The following CADPS variants were observed in gnomAD, a reference collection of about 807,000 sequenced individuals.
CADPS encodes calcium dependent secretion activator, also known as calcium-dependent secretion activator 1.
A neutral mutation model predicts 167.3 loss-of-function variants in CADPS; 57 were observed. The observed-to-expected ratio is 0.34, with a 90% CI of 0.28 to 0.42. The LOEUF is 0.42. CADPS is among the 20% of genes least tolerant of loss of function. CADPS has a pLI of 1.00. For synonymous variants in CADPS, 676 were observed against 635.3 expected (o/e 1.06, Z -0.96); for missense variants, 1,414 against 1,738.1 (o/e 0.81, Z 3.32).
At chr3:62,737,266 T>C (rs769896577) in intron 3 of CADPS, among the ~76,000 whole-genome samples, 12 of 151,870 alleles carry the variant, frequency 7.9e-5, no homozygotes, top group Non-Finnish European at 1.6e-4. Flanking sequence ...CTGGGTAACA[T>C]AGTGCCATCC....
intron 8 of CADPS, among the ~76,000 whole-genome samples, chr3:62,571,650 C>T (rs1578031176): frequency 1.3e-5 from 2 of 151,894 alleles, no homozygotes; most frequent in East Asian, 3.9e-4. Context: ...CCGCAACCTC[C>T]TCCTCCTGGG....
rs1335105830 is a variant in CADPS at position 62,874,881 on chromosome 3, C to T, written c.149G>A (p.Gly50Asp). 1.3e-5 allele frequency: 16 copies of T among 1,196,810 alleles called. No homozygotes were observed. Among genetic ancestry groups the T allele is most frequent in the Middle Eastern group, 3.1e-4 (1 of 3,186 alleles). 74.1% of individuals were successfully genotyped at this position (1,196,810 alleles called of 1,614,324 possible). A position where few individuals can be genotyped will look rare whatever the true frequency, so the allele number is the denominator to read the frequency against. The change falls in exon 1 of 30, where the codon GGC (glycine) becomes GAC (aspartate). Residue 50 changes from glycine (G) to aspartate (D), a missense_variant. Physicochemically the swap from Gly to Asp is moderately conservative, Grantham distance 94. Around this residue, in one of 6 missense-constraint regions of CADPS, gnomAD observed 522 missense variants for 559.5 expected, o/e 0.93. Transcript: ENST00000383710. This position sits in a 1 kb window ranked among gnomAD's most constrained non-coding sequence, Gnocchi z 7.1. ...EGSAGSAGLG[G>D]GGAGAGAGVG... ...CCCGGCTCCGGCGCCGGCGCCGCCGCCCCCCAGCCCGGCGCTGCCGGCCGA... is the reference window on the plus strand; with the variant it reads ...CCCGGCTCCGGCGCCGGCGCCGCCGTCCCCCAGCCCGGCGCTGCCGGCCGA...
chr3:62,571,901 A>G (rs2152459768), intron 8 of CADPS, among the ~76,000 whole-genome samples: 1 of 152,206 alleles, frequency 6.6e-6, no homozygotes, highest in Non-Finnish European at 1.5e-5. Flanking sequence ...GTATTATCCT[A>G]TCTGCATTGT....
chr3:62,666,802 T>C (rs1171324009), intron 3 of CADPS, among the ~76,000 whole-genome samples: 2 of 152,182 alleles, frequency 1.3e-5, no homozygotes, highest in East Asian at 1.9e-4. Context: ...TTTCCGTCAA[T>C]GCAGAGATGA....
intron 3 of CADPS, among the ~76,000 whole-genome samples, chr3:62,670,894 T>C (rs1268494293): frequency 6.6e-6 from 1 of 152,154 alleles, no homozygotes; most frequent in East Asian, 1.9e-4. Context: ...CAACCCACTT[T>C]TATAGGAATT....
At chr3:62,851,179 A>C (rs2078501335) in intron 1 of CADPS, among the ~76,000 whole-genome samples, 1 of 139,602 alleles carries the variant, frequency 7.2e-6, no homozygotes, top group South Asian at 2.6e-4. Context: ...TCTGCACGTG[A>C]GATGGGTTTC....
chr3:62,695,398 G>GTCT (rs910429756), intron 3 of CADPS, among the ~76,000 whole-genome samples: 18 of 152,082 alleles, frequency 1.2e-4, no homozygotes, highest in Admixed American at 1.3e-4. Context: ...CTGCAAAGCT[G>GTCT]TCTGTTGTAG....
At chr3:62,473,583 T>TTTAAA (rs1455999431) in intron 24 of CADPS, 4 of 152,262 alleles carry the variant, frequency 2.6e-5, no homozygotes, top group African/African-American at 7.2e-5. Flanking sequence ...TCCTTTACAT[T>TTTAAA]TTAAATACTG....
intron 3 of CADPS, among the ~76,000 whole-genome samples, chr3:62,663,611 CAAAAAAAAAAA>C (rs34328613): frequency 4.2e-5 from 5 of 120,226 alleles, no homozygotes; most frequent in Non-Finnish European, 1.7e-5. Context: ...TCCCTGCCTC[CAAAAAAAAAAA>C]AAAAAAAAAG....
intron 3 of CADPS, among the ~76,000 whole-genome samples, chr3:62,748,592 T>C (rs562513599): frequency 6.6e-6 from 1 of 152,290 alleles, no homozygotes; most frequent in African/African-American, 2.4e-5. Context: ...GAAAATGTTT[T>C]TAAATATCAT....
Position 62,851,192 on chromosome 3 carries a change from G to T in CADPS, c.441+23397C>A, listed in dbSNP as rs1464962673. Among the ~76,000 whole-genome samples the T allele has an allele frequency of 6.0e-4, 85 of 141,372 alleles. 1 individual carries two copies. The highest frequency in any genetic ancestry group is 2.0e-3 in the African/African-American group (77 of 38,372). 92.7% of individuals were successfully genotyped at this position (141,372 alleles called of 152,430 possible). On this transcript the variant is annotated intron_variant, in intron 1 of 29. Coordinates refer to ENST00000383710, the MANE Select transcript of CADPS (RefSeq NM_003716.4). ...TCTCTGCACGTGAGATGGGTTTCCT[G>T]AATACAGCACATTGATGGGTCTTGA...
intron 2 of CADPS, among the ~76,000 whole-genome samples, chr3:62,754,554 T>C (rs1287654417): frequency 2.0e-5 from 3 of 152,140 alleles, no homozygotes; most frequent in Non-Finnish European, 4.4e-5. Flanking sequence ...TCAGTAGTGA[T>C]CACGATGCAC....
chr3:62,577,655 T>C (rs1318245118), intron 8 of CADPS, among the ~76,000 whole-genome samples: 1 of 152,252 alleles, frequency 6.6e-6, no homozygotes, highest in Non-Finnish European at 1.5e-5. Context: ...CTATTAACCA[T>C]GTATGAGACC....
chr3:62,661,032 C>T (rs1243258321), intron 4 of CADPS, among the ~76,000 whole-genome samples: 1 of 152,142 alleles, frequency 6.6e-6, no homozygotes, highest in African/African-American at 2.4e-5. Flanking sequence ...TGAGGATTGA[C>T]TGAGTTGGTA....
chr3:62,604,874 G>A (rs898716442), intron 6 of CADPS, among the ~76,000 whole-genome samples: 2 of 152,176 alleles, frequency 1.3e-5, no homozygotes, highest in Non-Finnish European at 2.9e-5. Context: ...GACATAAAAA[G>A]GAGCTCCTAT....
chr3:62,414,003 CA>C (rs1316774064), intron 28 of CADPS, among the ~76,000 whole-genome samples: 3 of 152,106 alleles, frequency 2.0e-5, no homozygotes, highest in Non-Finnish European at 4.4e-5. Context: ...TTATGAAGAA[CA>C]AAGAACAAAT....
chr3:62,856,954 C>T (rs1289710708), intron 1 of CADPS, among the ~76,000 whole-genome samples: 1 of 150,860 alleles, frequency 6.6e-6, no homozygotes, highest in African/African-American at 2.4e-5. Flanking sequence ...TTGCATGAAA[C>T]CCAGGAATTA....
chr3:62,570,985 T>G (rs2081183035), intron 8 of CADPS, 47 bp from the exon 9 acceptor site: 1 of 1,195,836 alleles, frequency 8.4e-7, no homozygotes, highest in Admixed American at 1.7e-5. Flanking sequence ...CTTGAGTGAG[T>G]GAATTGTTGA....
At chr3:62,834,416 C>T (rs1156718876) in intron 1 of CADPS, among the ~76,000 whole-genome samples, 1 of 152,138 alleles carries the variant, frequency 6.6e-6, no homozygotes, top group Non-Finnish European at 1.5e-5. Context: ...CCTCTGAGTT[C>T]CTGTAAATCA....
Sources: gnomAD v4.1 joint callset for allele counts (sites outside exome capture counted in the v4.1 genomes callset) on GRCh38, gnomAD v4.1.1 for gene constraint, gnomAD v4.1.1 regional missense constraint, Gnocchi (gnomAD v3.1) non-coding constraint, MANE v1.5 for transcripts, NCBI Gene and HGNC (gene_info 2026-07-23, HGNC 2026-07-21) for gene names.